The following MINDY2 variants were observed in gnomAD, a reference collection of about 807,000 sequenced individuals.
The protein encoded by MINDY2 is ubiquitin carboxyl-terminal hydrolase MINDY-2.
In MINDY2, 52 loss-of-function variants were observed where a neutral mutation model predicts 68.2. The ratio of observed to expected loss-of-function variants is 0.76; its 90% confidence interval spans 0.61 to 0.96. MINDY2 has a LOEUF of 0.96. Ranked by LOEUF, MINDY2 falls within the 40% of genes least tolerant of loss-of-function variation. MINDY2 has a pLI of 0.00. For synonymous variants in MINDY2, 372 were observed against 303.0 expected (o/e 1.23, Z -2.36); for missense variants, 881 against 773.4 (o/e 1.14, Z -1.65).
chr15:58,798,933 C>A (rs1406202471), intron 2 of MINDY2, among the ~76,000 whole-genome samples: 1 of 152,118 alleles, frequency 6.6e-6, no homozygotes, highest in African/African-American at 2.4e-5. Context: ...TAACTCTTAG[C>A]TAGCAAAGCC....
intron 2 of MINDY2, among the ~76,000 whole-genome samples, chr15:58,798,261 C>T (rs1199362709): frequency 1.3e-5 from 2 of 151,740 alleles, no homozygotes; most frequent in African/African-American, 2.4e-5. Context: ...GGATTACAGG[C>T]GCCCGCCACC....
chr15:58,810,492 CT>C (rs1595737200), intron 4 of MINDY2, 104 bp downstream of exon 4: 2 of 1,185,106 alleles, frequency 1.7e-6, no homozygotes, highest in South Asian at 1.7e-5. Flanking sequence ...TTTTTTTGTA[CT>C]TTTGCCTGGA....
At chr15:58,801,422 A>G (rs1252604773) in intron 2 of MINDY2, among the ~76,000 whole-genome samples, 2 of 84,070 alleles carry the variant, frequency 2.4e-5, no homozygotes, top group African/African-American at 8.6e-5. Context: ...TGATAATTAT[A>G]TAGGTAGAAA....
At chr15:58,834,102 C>A (rs1222179103) in intron 6 of MINDY2, among the ~76,000 whole-genome samples, 3 of 152,158 alleles carry the variant, frequency 2.0e-5, no homozygotes, top group African/African-American at 7.2e-5. Flanking sequence ...GCACACCCTG[C>A]ACAGCCCTTA....
At chr15:58,790,481 A>G (rs941847440) in intron 2 of MINDY2, among the ~76,000 whole-genome samples, 2 of 152,168 alleles carry the variant, frequency 1.3e-5, no homozygotes, top group Non-Finnish European at 2.9e-5. Flanking sequence ...GGTTTTTGCC[A>G]TGAGTAAGCT....
At chr15:58,825,952 T>C (rs1228436789) in intron 5 of MINDY2, among the ~76,000 whole-genome samples, 5 of 152,178 alleles carry the variant, frequency 3.3e-5, no homozygotes, top group Non-Finnish European at 5.9e-5. Flanking sequence ...AATATGCTTA[T>C]AAAAATATTT....
chr15:58,790,985 C>G (rs933127757), intron 2 of MINDY2, among the ~76,000 whole-genome samples: 2 of 151,714 alleles, frequency 1.3e-5, no homozygotes, highest in Admixed American at 6.6e-5. Context: ...CGAGACCATA[C>G]TGGCTAACAC....
chr15:58,801,391 A>AAG (rs1331889840), intron 2 of MINDY2, among the ~76,000 whole-genome samples: 25 of 130,382 alleles, frequency 1.9e-4, no homozygotes, highest in Non-Finnish European at 3.2e-4. Context: ...AAAAAAAAAA[A>AAG]AAAAAAAAAA....
rs542465006 is a variant in MINDY2 at position 58,802,918 on chromosome 15, G to A, written c.963+541G>A. ...TTATTGGTGCTGGAAAAAAGCAAGC[G>A]GAGCTTCATTTTCTTCAGTATTCTT... On this transcript the variant is annotated intron_variant, in intron 3 of 8. Coordinates refer to ENST00000559228, the MANE Select transcript of MINDY2 (RefSeq NM_001040450.3). 1.3e-4 allele frequency among the ~76,000 whole-genome samples: 20 copies of A among 152,250 alleles called. No individual in the cohort carries two copies. In the South Asian group the frequency reaches 3.7e-3, roughly 28 times the overall value.
chr15:58,842,948 T>C (rs1209269123), intron 6 of MINDY2, among the ~76,000 whole-genome samples: 3 of 152,172 alleles, frequency 2.0e-5, no homozygotes, highest in African/African-American at 7.2e-5. Flanking sequence ...TCACTGCCTC[T>C]CTGGGTGGAT....
chr15:58,849,376 G>C (rs892924752), intron 7 of MINDY2, among the ~76,000 whole-genome samples: 6 of 151,862 alleles, frequency 4.0e-5, no homozygotes, highest in African/African-American at 1.2e-4. Context: ...ATGGTGGCAC[G>C]CACCTGTAGT....
intron 4 of MINDY2, among the ~76,000 whole-genome samples, chr15:58,820,427 G>A (rs1262788229): frequency 6.7e-6 from 1 of 148,758 alleles, no homozygotes; most frequent in East Asian, 2.0e-4. Context: ...CTGGGCAACA[G>A]AGTGAGACTC....
intron 1 of MINDY2, among the ~76,000 whole-genome samples, chr15:58,774,341 G>A (rs1390475061): frequency 6.6e-6 from 1 of 151,978 alleles, no homozygotes; most frequent in Non-Finnish European, 1.5e-5. Context: ...AAAATTAGAC[G>A]GGCATGGTGG....
intron 5 of MINDY2, among the ~76,000 whole-genome samples, chr15:58,826,448 C>T (rs546603322): frequency 2.6e-5 from 4 of 152,088 alleles, no homozygotes; most frequent in Admixed American, 1.3e-4. Context: ...AAGCTGGTCT[C>T]GAACTCCCAA....
chr15:58,775,004 G>C (rs1359229545), intron 1 of MINDY2, among the ~76,000 whole-genome samples: 15 of 152,196 alleles, frequency 9.9e-5, no homozygotes, highest in African/African-American at 2.2e-4. Flanking sequence ...TTGATGAAGA[G>C]ATGGATAAGC....
At position 58,821,799 on chromosome 15, in the gene MINDY2, A is replaced by G. The variant is rs1350855694; in HGVS notation, c.1205A>G (p.Asn402Ser). The G allele has an allele frequency of 8.2e-6, 13 of 1,590,778 alleles. No homozygotes were observed. The highest frequency in any genetic ancestry group is 2.3e-5 in the South Asian group (2 of 85,832). ...EKIISCKQSD[N>S]SELVSEGFVA... The stretch of plus-strand genomic sequence containing the variant: ...ATCATCTCTTGTAAACAGTCAGACA[A>G]TAGTGAGCTGGTTAGTGAAGGTGGG... The change falls in exon 5 of 9, where the codon AAT (asparagine) becomes AGT (serine). Residue 402 changes from asparagine (N) to serine (S), a missense_variant. Transcript: ENST00000559228.
Position 58,859,802 on chromosome 15 carries a change from TA to T in MINDY2, c.*5193del, listed in dbSNP as rs1299009180. Reference sequence around the variant, plus strand: ...AGTTTAATAAATTGTGATACGCATATATTTTTTTACATGAAGGATTCTACTT... The same window carrying T: ...AGTTTAATAAATTGTGATACGCATATTTTTTTTACATGAAGGATTCTACTT... On this transcript the variant is annotated 3_prime_UTR_variant, in exon 9 of 9. Transcript: ENST00000559228. The T allele has an allele frequency of 2.6e-5, 4 of 152,212 alleles. No homozygotes were observed. The highest frequency in any genetic ancestry group is 5.9e-5 in the Non-Finnish European group (4 of 68,030). The allele number at this position is 152,212 out of a possible 1,614,324, so 9.4% of individuals were successfully genotyped here.
In MINDY2 at chr15:58,854,798, G is replaced by C; in HGVS notation, c.*188G>C. ...AAGTCACACAATACACTCTTTATGA[G>C]CTGGAGTTTCATGTTACAAGTTGGA... On this transcript the variant is annotated 3_prime_UTR_variant, in exon 9 of 9. Coordinates refer to ENST00000559228, the MANE Select transcript of MINDY2 (RefSeq NM_001040450.3). 2.1e-6 allele frequency: 1 copy of C among 468,196 alleles called. No individual in the cohort carries two copies. The highest frequency in any genetic ancestry group is 6.5e-4 in the Middle Eastern group (1 of 1,542). The allele number at this position is 468,196 out of a possible 1,614,324, so 29.0% of individuals were successfully genotyped here. A position where few individuals can be genotyped will look rare whatever the true frequency, so the allele number is the denominator to read the frequency against.
At chr15:58,826,242 T>C (rs2031385287) in intron 5 of MINDY2, among the ~76,000 whole-genome samples, 1 of 149,616 alleles carries the variant, frequency 6.7e-6, no homozygotes, top group South Asian at 2.1e-4. Flanking sequence ...TTTTTTTTTT[T>C]TTTTGAGATG....
Sources: gnomAD v4.1 joint callset for allele counts (sites outside exome capture counted in the v4.1 genomes callset) on GRCh38, gnomAD v4.1.1 for gene constraint, MANE v1.5 for transcripts, NCBI Gene and HGNC (gene_info 2026-07-23, HGNC 2026-07-21) for gene names.